The following RIT2 variants were observed in gnomAD, a reference collection of about 807,000 sequenced individuals.
RIT2 encodes Ras like without CAAX 2, also known as GTP-binding protein Rit2.
Under a neutral mutation model 23.7 loss-of-function variants are expected in RIT2, and 24 were observed. That is an observed-to-expected ratio of 1.01 (90% confidence interval 0.73 to 1.43). RIT2 has a LOEUF of 1.43. RIT2 is among the 40% of genes most tolerant of loss of function. RIT2 has a pLI of 0.00. For missense variants in RIT2, 236 were observed against 266.9 expected (o/e 0.88, Z 0.81); for synonymous variants, 107 against 91.1 (o/e 1.17, Z -0.99).
At chr18:42,797,660 G>A (rs1051103035) in intron 4 of RIT2, among the ~76,000 whole-genome samples, 6 of 152,096 alleles carry the variant, frequency 3.9e-5, no homozygotes, top group Non-Finnish European at 8.8e-5. Context: ...ATGAGGCCTT[G>A]AAGCAGTACT....
At chr18:42,917,167 T>C (rs1908931998) in intron 4 of RIT2, among the ~76,000 whole-genome samples, 2 of 152,108 alleles carry the variant, frequency 1.3e-5, no homozygotes, top group South Asian at 2.1e-4. Flanking sequence ...AGTACTTCTC[T>C]GAACAACAGG....
At chr18:43,087,027 G>A (rs1411847388) in intron 1 of RIT2, among the ~76,000 whole-genome samples, 1 of 152,040 alleles carries the variant, frequency 6.6e-6, no homozygotes, top group African/African-American at 2.4e-5. Flanking sequence ...AGGCGGGTGA[G>A]TCACTTGAGG....
chr18:43,015,885 C>G (rs567018844), intron 2 of RIT2, among the ~76,000 whole-genome samples: 1 of 151,872 alleles, frequency 6.6e-6, no homozygotes, highest in East Asian at 1.9e-4. Flanking sequence ...TATATGGAAG[C>G]TTAAAGTAAA....
intron 3 of RIT2, among the ~76,000 whole-genome samples, chr18:42,973,809 G>GA (rs1260757187): frequency 6.6e-6 from 1 of 150,726 alleles, no homozygotes; most frequent in African/African-American, 2.4e-5. Context: ...CAAACCTGAG[G>GA]AAAAAAAATA....
At chr18:43,059,105 T>A (rs1195230167) in intron 1 of RIT2, among the ~76,000 whole-genome samples, 1 of 146,536 alleles carries the variant, frequency 6.8e-6, no homozygotes, top group African/African-American at 2.7e-5. Context: ...TCCTCTATAT[T>A]TTTTTTTTCC....
At chr18:42,837,565 A>G (rs1178308279) in intron 4 of RIT2, among the ~76,000 whole-genome samples, 1 of 152,112 alleles carries the variant, frequency 6.6e-6, no homozygotes, top group Non-Finnish European at 1.5e-5. Flanking sequence ...AACTACTTTG[A>G]GCAAAAATGC....
At chr18:42,921,553 G>A (rs1368625060) in intron 4 of RIT2, among the ~76,000 whole-genome samples, 5 of 152,096 alleles carry the variant, frequency 3.3e-5, no homozygotes, top group Admixed American at 6.6e-5. Context: ...TCACCTTTGA[G>A]CCTGGTAAGA....
rs148176713 is a variant in RIT2, at chr18:42,766,965, C to T, written c.427-23245G>A. 4.9e-3 allele frequency among the ~76,000 whole-genome samples: 753 copies of T among 152,294 alleles called. 4 individuals carry two copies. Among genetic ancestry groups the T allele is most frequent in the Non-Finnish European group, 7.5e-3 (509 of 68,034 alleles). On this transcript the variant is annotated intron_variant, in intron 4 of 4. Coordinates refer to ENST00000326695, the MANE Select transcript of RIT2 (RefSeq NM_002930.4). ...TCAATAATTTAGGTTTGGGAGCCTC[C>T]GCCTAGATTTCAGAAGATGTATGGA... is the stretch of plus-strand genomic sequence containing the variant.
chr18:43,004,308 C>A (rs4462693), intron 2 of RIT2, among the ~76,000 whole-genome samples: 2 of 151,836 alleles, frequency 1.3e-5, no homozygotes, highest in African/African-American at 4.8e-5. Context: ...ACATTTTCAG[C>A]AGGTCAGTTC....
Position 42,743,301 on chromosome 18 carries a change from A to G in RIT2, c.*192T>C. On this transcript the variant is annotated 3_prime_UTR_variant, in exon 5 of 5. Coordinates refer to ENST00000326695, the MANE Select transcript of RIT2 (RefSeq NM_002930.4). Reference sequence around the variant, plus strand: ...AACAGCATATCCAGCTGATTGACAAAATCCATCCAACTGTTAAAGGCAAAA... The same window carrying G: ...AACAGCATATCCAGCTGATTGACAAGATCCATCCAACTGTTAAAGGCAAAA... 1 of 592,118 alleles carries G rather than the reference A, an allele frequency of 1.7e-6. No homozygotes were observed. Among genetic ancestry groups the G allele is most frequent in the Non-Finnish European group, 3.0e-6 (1 of 334,542 alleles). The allele number at this position is 592,118 out of a possible 1,614,324, so 36.7% of individuals were successfully genotyped here.
Position 43,089,912 on chromosome 18 carries a change from T to C in RIT2, c.103+25505A>G, listed in dbSNP as rs567342119. Reference sequence around the variant, plus strand: ...AATCAAGATGGAATAAAGATTTAAATATACATCCAAAACTATAAAAAGCTT... The same window carrying C: ...AATCAAGATGGAATAAAGATTTAAACATACATCCAAAACTATAAAAAGCTT... On this transcript the variant is annotated intron_variant, in intron 1 of 4. Transcript: ENST00000326695. Among the ~76,000 whole-genome samples the C allele has an allele frequency of 7.9e-5, 12 of 152,188 alleles. No homozygotes were observed. In the South Asian group the frequency reaches 2.5e-3, roughly 32 times the overall value.
chr18:42,778,694 C>T (rs62089919), intron 4 of RIT2, among the ~76,000 whole-genome samples: 5 of 151,928 alleles, frequency 3.3e-5, no homozygotes, highest in Admixed American at 6.5e-5. Context: ...TATCCTTTCT[C>T]GAGTCCTAGC....
At chr18:42,920,851 G>T in intron 4 of RIT2, 1 of 878,556 alleles carries the variant, frequency 1.1e-6, no homozygotes, top group Non-Finnish European at 1.9e-6. Context: ...ACCGTTGAGA[G>T]TTTAACTTTA....
chr18:43,069,631 TC>T (rs1208541308), intron 1 of RIT2, among the ~76,000 whole-genome samples: 1 of 152,166 alleles, frequency 6.6e-6, no homozygotes, highest in Non-Finnish European at 1.5e-5. Flanking sequence ...ATCAATCAAA[TC>T]CTTTTATATC....
intron 2 of RIT2, among the ~76,000 whole-genome samples, chr18:43,028,214 T>C (rs986734957): frequency 7.2e-5 from 11 of 152,044 alleles, no homozygotes; most frequent in African/African-American, 2.2e-4. Context: ...ATGTGTGTGT[T>C]TATGTGGTAA....
At chr18:43,017,551 C>G (rs1057439221) in intron 2 of RIT2, among the ~76,000 whole-genome samples, 4 of 151,958 alleles carry the variant, frequency 2.6e-5, no homozygotes, top group East Asian at 1.9e-4. Context: ...GGTTATAGTA[C>G]TATCTGAAAA....
chr18:43,106,560 G>A (rs752098481), intron 1 of RIT2, among the ~76,000 whole-genome samples: 3 of 152,026 alleles, frequency 2.0e-5, no homozygotes, highest in Non-Finnish European at 2.9e-5. Context: ...TTTTTCCTGG[G>A]ACTGCAAATA....
At chr18:42,747,008 C>T (rs1220459654) in intron 4 of RIT2, among the ~76,000 whole-genome samples, 1 of 151,968 alleles carries the variant, frequency 6.6e-6, no homozygotes, top group Non-Finnish European at 1.5e-5. Flanking sequence ...AAGGATGCCA[C>T]TCTTATCCCT....
chr18:42,971,175 G>T (rs1258925471), intron 3 of RIT2, among the ~76,000 whole-genome samples: 7 of 152,072 alleles, frequency 4.6e-5, no homozygotes, highest in Admixed American at 3.9e-4. Flanking sequence ...AGACAACAAG[G>T]TGATATTATT....
Sources: gnomAD v4.1 joint callset for allele counts (sites outside exome capture counted in the v4.1 genomes callset) on GRCh38, gnomAD v4.1.1 for gene constraint, MANE v1.5 for transcripts, NCBI Gene and HGNC (gene_info 2026-07-23, HGNC 2026-07-21) for gene names.